EXOC2: variants seen among roughly 807,000 people sequenced by gnomAD.
The protein encoded by EXOC2 is exocyst complex component 2, also known as SEC5-like 1.
Under a neutral mutation model 131.8 loss-of-function variants are expected in EXOC2, and 70 were observed. That is an observed-to-expected ratio of 0.53 (90% CI 0.44 to 0.65). The LOEUF is 0.65. EXOC2 is among the 30% of genes least tolerant of loss of function. The pLI is 0.00. For synonymous variants in EXOC2, 411 were observed against 398.4 expected (o/e 1.03, Z -0.38); for missense variants, 923 against 1,108.6 (o/e 0.83, Z 2.38).
chr6:533,651 G>A (rs1300005190), intron 22 of EXOC2, among the ~76,000 whole-genome samples: 1 of 152,168 alleles, frequency 6.6e-6, no homozygotes, highest in East Asian at 1.9e-4. Flanking sequence ...GCTGGCATCA[G>A]CCCTACGTGA....
chr6:563,973 G>A, intron 16 of EXOC2, 60 bp downstream of exon 16: 1 of 1,584,042 alleles, frequency 6.3e-7, no homozygotes, highest in South Asian at 1.2e-5. Context: ...GACACTGAAA[G>A]GAGGTGGCAC....
intron 10 of EXOC2, among the ~76,000 whole-genome samples, chr6:593,555 T>C (rs867100025): frequency 1.3e-5 from 2 of 152,250 alleles, no homozygotes; most frequent in South Asian, 2.1e-4. Flanking sequence ...TTTACTTCCA[T>C]AGAAAAATTT....
At chr6:556,147 C>T (rs2476844) in intron 18 of EXOC2, 134 bp from the exon 19 acceptor site, 751,699 of 797,064 alleles carry the variant, frequency 0.94, 354,866 homozygotes, top group East Asian at 1. Flanking sequence ...AGGAGGCGTG[C>T]GAAGAGTGGG....
At chr6:657,697 T>A (rs1039619432) in intron 1 of EXOC2, among the ~76,000 whole-genome samples, 14 of 151,026 alleles carry the variant, frequency 9.3e-5, no homozygotes, top group African/African-American at 2.9e-4. Context: ...GAAAGCTACA[T>A]GAACACTCTA....
At chr6:548,054 A>T (rs1056728729) in intron 22 of EXOC2, among the ~76,000 whole-genome samples, 1 of 152,238 alleles carries the variant, frequency 6.6e-6, no homozygotes, top group Admixed American at 6.5e-5. Context: ...TTATATAAAA[A>T]CAAAGCAACC....
At chr6:570,646 G>A (rs1758228978) in intron 13 of EXOC2, among the ~76,000 whole-genome samples, 1 of 152,164 alleles carries the variant, frequency 6.6e-6, no homozygotes, top group Admixed American at 6.5e-5. Context: ...TTATCTGTCA[G>A]ACATTATTAT....
intron 1 of EXOC2, chr6:669,854 G>A (rs552691674): frequency 5.3e-5 from 8 of 152,330 alleles, no homozygotes; most frequent in Non-Finnish European, 7.3e-5. Flanking sequence ...GTGGCTGGAT[G>A]TAGTTTTAGT....
At chr6:635,848 G>C (rs895256062) in intron 2 of EXOC2, among the ~76,000 whole-genome samples, 10 of 152,238 alleles carry the variant, frequency 6.6e-5, no homozygotes, top group African/African-American at 2.4e-4. Context: ...GGATCACGAG[G>C]TCAAGAGATT....
At chr6:692,600 C>T (rs1326151154) in intron 1 of EXOC2, among the ~76,000 whole-genome samples, 1 of 152,268 alleles carries the variant, frequency 6.6e-6, no homozygotes, top group East Asian at 1.9e-4. Flanking sequence ...GCGGGATGCA[C>T]GCCTAGGCAG....
At chr6:526,558 A>T (rs1477163016) in intron 23 of EXOC2, among the ~76,000 whole-genome samples, 1 of 149,800 alleles carries the variant, frequency 6.7e-6, no homozygotes, top group Non-Finnish European at 1.5e-5. Flanking sequence ...CTCCTGCCTC[A>T]ACCTTCCGAG....
At chr6:502,799 G>C (rs1194984832) in intron 23 of EXOC2, among the ~76,000 whole-genome samples, 2 of 151,790 alleles carry the variant, frequency 1.3e-5, no homozygotes, top group East Asian at 3.9e-4. Flanking sequence ...TTATCTTTTT[G>C]AATGAAAAAA....
At chr6:611,842 AAC>A (rs2127665878) in intron 6 of EXOC2, among the ~76,000 whole-genome samples, 1 of 152,366 alleles carries the variant, frequency 6.6e-6, no homozygotes, top group South Asian at 2.1e-4. Context: ...GTATTTGAGA[AAC>A]AAAAAAAAGT....
At chr6:539,987 G>C (rs1285103757) in intron 22 of EXOC2, among the ~76,000 whole-genome samples, 3 of 152,302 alleles carry the variant, frequency 2.0e-5, no homozygotes, top group Admixed American at 1.3e-4. Context: ...ATTCCTAGGA[G>C]AAGTATTAAC....
chr6:633,428 C>T (rs1761951533), intron 2 of EXOC2, among the ~76,000 whole-genome samples: 1 of 152,152 alleles, frequency 6.6e-6, no homozygotes, highest in South Asian at 2.1e-4. Flanking sequence ...AAAATGCTTT[C>T]AGAGGTAATA....
intron 23 of EXOC2, among the ~76,000 whole-genome samples, chr6:515,737 C>G (rs897158896): frequency 4.1e-5 from 6 of 148,132 alleles, no homozygotes; most frequent in Admixed American, 4.0e-4. Flanking sequence ...ACGCACACAG[C>G]TGGGGCGGTC....
rs34996425 is a variant in EXOC2, at chr6:553,390, AGTGT to A, written c.2121+460_2121+463del. 5.7e-3 allele frequency among the ~76,000 whole-genome samples: 857 copies of A among 150,038 alleles called. 12 individuals carry two copies. Among genetic ancestry groups the A allele is most frequent in the East Asian group, 9.0e-3 (46 of 5,104 alleles). On this transcript the variant is annotated intron_variant, in intron 21 of 27. Coordinates refer to ENST00000230449, the MANE Select transcript of EXOC2 (RefSeq NM_018303.6). ...GTATGCATACATCTGTTTGTGTATA[AGTGT>A]GTGTGTGTGTGTGTGTGTGTGTATC...
chr6:562,032 T>C (rs1757726045), intron 17 of EXOC2, among the ~76,000 whole-genome samples: 2 of 152,210 alleles, frequency 1.3e-5, no homozygotes, highest in African/African-American at 2.4e-5. Flanking sequence ...GGGACTGGAC[T>C]TTCTTCCTGA....
At chr6:560,731 G>C (rs1235996390) in intron 17 of EXOC2, among the ~76,000 whole-genome samples, 1 of 150,494 alleles carries the variant, frequency 6.6e-6, no homozygotes, top group Non-Finnish European at 1.5e-5. Context: ...TTTGAGATGA[G>C]AGTTTTGCTC....
intron 17 of EXOC2, among the ~76,000 whole-genome samples, chr6:557,718 A>T (rs1317634652): frequency 2.6e-5 from 4 of 151,850 alleles, no homozygotes; most frequent in Non-Finnish European, 5.9e-5. Context: ...CAAGACTGTG[A>T]GAACATTGAT....
Sources: gnomAD v4.1 joint callset for allele counts (sites outside exome capture counted in the v4.1 genomes callset) on GRCh38, gnomAD v4.1.1 for gene constraint, MANE v1.5 for transcripts, NCBI Gene and HGNC (gene_info 2026-07-23, HGNC 2026-07-21) for gene names.